SEMA6D: variants seen among roughly 807,000 people sequenced by gnomAD.
SEMA6D encodes the protein semaphorin-6D.
A neutral mutation model predicts 106.6 loss-of-function variants in SEMA6D; 35 were observed. The ratio of observed to expected loss-of-function variants is 0.33; its 90% confidence interval spans 0.25 to 0.44. SEMA6D has a LOEUF of 0.44. Among genes scored for constraint, SEMA6D ranks in the 20% least tolerant of loss-of-function variants. The pLI, the probability that SEMA6D is intolerant of heterozygous loss-of-function variation, is 1.00. For synonymous variants in SEMA6D, 499 were observed against 487.7 expected (o/e 1.02, Z -0.31); for missense variants, 1,185 against 1,345.9 (o/e 0.88, Z 1.87).
At chr15:47,499,055 G>A (rs1248018363) in intron 3 of SEMA6D, among the ~76,000 whole-genome samples, 1 of 152,126 alleles carries the variant, frequency 6.6e-6, no homozygotes, top group Non-Finnish European at 1.5e-5. Flanking sequence ...CACTTGCTGT[G>A]CACCTTGCTG....
At chr15:47,687,432 C>T (rs545888923) in intron 4 of SEMA6D, among the ~76,000 whole-genome samples, 45 of 151,820 alleles carry the variant, frequency 3.0e-4, no homozygotes, top group African/African-American at 1.0e-3. Flanking sequence ...CAAGAAGCAA[C>T]GTTTAGGCTG....
intron 4 of SEMA6D, among the ~76,000 whole-genome samples, chr15:47,687,968 G>A (rs547852936): frequency 1.1e-4 from 17 of 152,076 alleles, no homozygotes; most frequent in East Asian, 3.8e-4. Context: ...GTTCCTGTGC[G>A]CTATCCAACT....
intron 4 of SEMA6D, among the ~76,000 whole-genome samples, chr15:47,654,532 T>C (rs995956845): frequency 6.6e-6 from 1 of 152,202 alleles, no homozygotes. Context: ...TGGATATTTG[T>C]CCCCACCCAC....
At chr15:47,560,064 TACTAAACAA>T (rs1390687699) in intron 3 of SEMA6D, among the ~76,000 whole-genome samples, 3 of 152,080 alleles carry the variant, frequency 2.0e-5, no homozygotes, top group Non-Finnish European at 4.4e-5. Flanking sequence ...CTATGTAAAT[TACTAAACAA>T]ACAAAATAAA....
At chr15:47,367,692 G>GCGCACACA (rs1219759915) in intron 1 of SEMA6D, among the ~76,000 whole-genome samples, 4 of 73,402 alleles carry the variant, frequency 5.4e-5, no homozygotes, top group African/African-American at 1.6e-4. Flanking sequence ...GCGCGCGCGC[G>GCGCACACA]CACACACACA....
chr15:47,407,394 CAACAACAACAACAACAAAAAAAACAAAAA>C (rs2040618947), intron 1 of SEMA6D, among the ~76,000 whole-genome samples: 1 of 83,558 alleles, frequency 1.2e-5, no homozygotes, highest in Non-Finnish European at 2.8e-5. Context: ...AAAACCAAAA[CAACAACAACAACAACAAAAAAAACAAAAA>C]AAACAAACAA....
intron 1 of SEMA6D, among the ~76,000 whole-genome samples, chr15:47,756,288 A>G (rs1054066905): frequency 3.5e-4 from 53 of 151,876 alleles, no homozygotes; most frequent in African/African-American, 1.3e-3. Flanking sequence ...GATGGTATAC[A>G]TAAACAGTTT....
At chr15:47,453,405 C>A (rs2042251024) in intron 2 of SEMA6D, among the ~76,000 whole-genome samples, 4 of 151,880 alleles carry the variant, frequency 2.6e-5, no homozygotes, top group African/African-American at 9.7e-5. Context: ...AGAAATCCAT[C>A]CACAGTGAAT....
chr15:47,202,194 G>A (rs577619392), intron 1 of SEMA6D, among the ~76,000 whole-genome samples: 103 of 152,048 alleles, frequency 6.8e-4, no homozygotes, highest in African/African-American at 2.4e-3. Context: ...AGGAATGTTA[G>A]GCGACCATCA....
chr15:47,222,690 C>A (rs1595763857), intron 1 of SEMA6D, among the ~76,000 whole-genome samples: 1 of 152,118 alleles, frequency 6.6e-6, no homozygotes, highest in East Asian at 1.9e-4. Flanking sequence ...TCAGGGTAGT[C>A]AAACACATCT....
Position 47,745,237 on chromosome 15 carries a change from A to G in SEMA6D, c.-54-14508A>G, listed in dbSNP as rs1393064006. On this transcript the variant is annotated intron_variant, in intron 1 of 18. Transcript: ENST00000536845. ...CTCACCTGGTCTAATAGTGATTTTT[A>G]TGGTGCTTACCATGTGCCAGGATCT... 3.3e-5 allele frequency among the ~76,000 whole-genome samples: 5 copies of G among 152,304 alleles called. No individual in the cohort carries two copies. The East Asian group carries it at 9.6e-4, about 29-fold the overall frequency.
At chr15:47,655,914 T>C (rs1192054969) in intron 4 of SEMA6D, among the ~76,000 whole-genome samples, 1 of 152,274 alleles carries the variant, frequency 6.6e-6, no homozygotes, top group East Asian at 1.9e-4. Context: ...GTGAGTTGCC[T>C]CACGCATTCA....
intron 1 of SEMA6D, among the ~76,000 whole-genome samples, chr15:47,331,576 G>T (rs1003071755): frequency 3.3e-5 from 5 of 152,036 alleles, no homozygotes; most frequent in Admixed American, 6.6e-5. Flanking sequence ...ACAAAGCATA[G>T]ACATATGCAT....
chr15:47,760,253 T>C, intron 2 of SEMA6D, 51 bp from the exon 3 acceptor site: 1 of 1,276,744 alleles, frequency 7.8e-7, no homozygotes, highest in South Asian at 1.2e-5. Flanking sequence ...TGTTTATTGA[T>C]CCCTCAGCTC....
intron 4 of SEMA6D, among the ~76,000 whole-genome samples, chr15:47,635,327 G>T (rs754466467): frequency 6.6e-6 from 1 of 152,088 alleles, no homozygotes; most frequent in Non-Finnish European, 1.5e-5. Flanking sequence ...ACCTGGCCTT[G>T]GGGTGATCAA....
intron 1 of SEMA6D, among the ~76,000 whole-genome samples, chr15:47,238,109 G>C (rs188864705): frequency 6.6e-5 from 10 of 151,972 alleles, no homozygotes; most frequent in Non-Finnish European, 1.2e-4. Context: ...TTGCTGTAGT[G>C]CATTTTTATT....
intron 1 of SEMA6D, among the ~76,000 whole-genome samples, chr15:47,206,674 G>A (rs1895087243): frequency 1.3e-5 from 2 of 152,002 alleles, no homozygotes; most frequent in African/African-American, 2.4e-5. Context: ...CATGGTTCTC[G>A]GGTGGTCATG....
At chr15:47,733,498 C>A (rs944727860) in intron 1 of SEMA6D, among the ~76,000 whole-genome samples, 2 of 152,202 alleles carry the variant, frequency 1.3e-5, no homozygotes, top group Non-Finnish European at 2.9e-5. Flanking sequence ...TTCACTCAGG[C>A]TTCATTGAAT....
intron 4 of SEMA6D, among the ~76,000 whole-genome samples, chr15:47,663,853 T>C (rs969083365): frequency 6.6e-6 from 1 of 152,178 alleles, no homozygotes; most frequent in African/African-American, 2.4e-5. Context: ...CTCTTTTGTT[T>C]GGAGATGCAG....
Sources: gnomAD v4.1 joint callset for allele counts (sites outside exome capture counted in the v4.1 genomes callset) on GRCh38, gnomAD v4.1.1 for gene constraint, MANE v1.5 for transcripts, NCBI Gene and HGNC (gene_info 2026-07-23, HGNC 2026-07-21) for gene names.